The following CARHSP1 variants were observed in gnomAD, a reference collection of about 807,000 sequenced individuals.
The protein encoded by CARHSP1 is calcium regulated heat stable protein 1.
A neutral mutation model predicts 12.5 loss-of-function variants in CARHSP1; 14 were observed. That is an observed-to-expected ratio of 1.12 (90% CI 0.74 to 1.75). CARHSP1 has a LOEUF of 1.75. Among genes scored for constraint, CARHSP1 ranks in the 40% most tolerant of loss-of-function variants. The pLI is 0.00. For missense variants in CARHSP1, 343 were observed against 201.6 expected (o/e 1.70, Z -4.25); for synonymous variants, 161 against 82.0 (o/e 1.96, Z -5.20).
chr16:8,860,100 CTG>C, intron 1 of CARHSP1: 1 of 982,256 alleles, frequency 1.0e-6, no homozygotes, highest in Non-Finnish European at 1.2e-6. Flanking sequence ...GGGGCAAAAA[CTG>C]ACCCTCACGC....
At chr16:8,866,856 G>A (rs986847622) in intron 1 of CARHSP1, among the ~76,000 whole-genome samples, 2 of 152,144 alleles carry the variant, frequency 1.3e-5, no homozygotes, top group East Asian at 3.9e-4. Flanking sequence ...CAGGGAAGGT[G>A]CAGCCCGGCG....
intron 2 of CARHSP1, 37 bp from the exon 3 acceptor site, chr16:8,858,509 CGCTCCTGGGCACACAAAGCTCATTCCA>C (rs1293151522): frequency 4.4e-6 from 7 of 1,605,272 alleles, no homozygotes; most frequent in Non-Finnish European, 5.9e-6. Flanking sequence ...GCCCCATCAG[CGCTCCTGGGCACACAAAGCTCATTCCA>C]GCCCCTGCCC....
intron 3 of CARHSP1, among the ~76,000 whole-genome samples, chr16:8,856,477 C>A (rs1241317021): frequency 6.6e-6 from 1 of 151,866 alleles, no homozygotes; most frequent in Non-Finnish European, 1.5e-5. Flanking sequence ...TTCTTTGCCC[C>A]AACCTCTATG....
intron 1 of CARHSP1, among the ~76,000 whole-genome samples, chr16:8,860,706 C>T (rs571910397): frequency 1.3e-4 from 20 of 152,166 alleles, no homozygotes; most frequent in African/African-American, 4.8e-4. Context: ...GGAGGGACAG[C>T]AGCAGCCCTG....
chr16:8,867,436 C>G (rs541441165), intron 1 of CARHSP1: 1 of 152,388 alleles, frequency 6.6e-6, no homozygotes, highest in African/African-American at 2.4e-5. Flanking sequence ...CACAATAGTG[C>G]GGCTGATGGT....
rs1439359571 is a variant in CARHSP1, at chr16:8,863,509, G to A, written c.-7-4174C>T. On this transcript the variant is annotated intron_variant, in intron 1 of 3. Transcript: ENST00000311052. ...AGCACCATGCCCAGCCCAGCAGGAG[G>A]TGGCTACATTCCTGCTCACCTGATA... 2.6e-5 allele frequency among the ~76,000 whole-genome samples: 4 copies of A among 152,326 alleles called. No individual in the cohort carries two copies. The South Asian group carries it at 8.3e-4, about 32-fold the overall frequency.
intron 2 of CARHSP1, chr16:8,858,758 G>T (rs1480057962): frequency 2.2e-6 from 1 of 464,956 alleles, no homozygotes; most frequent in Non-Finnish European, 3.8e-6. Flanking sequence ...AGAAACTAAT[G>T]ATTTACTATT....
intron 1 of CARHSP1, 146 bp from the exon 2 acceptor site, chr16:8,859,481 G>A (rs1020295229): frequency 1.6e-5 from 12 of 734,244 alleles, no homozygotes; most frequent in East Asian, 5.7e-5. Context: ...CTGGGAGCAC[G>A]CCTGGCAGGG....
intron 1 of CARHSP1, chr16:8,860,619 G>T (rs1290743853): frequency 9.5e-6 from 5 of 529,072 alleles, no homozygotes; most frequent in Non-Finnish European, 1.2e-5. Context: ...CACCTGCGCA[G>T]GGCTGGTGAT....
At position 8,853,433 on chromosome 16, in the gene CARHSP1, A is replaced by T. The variant is rs919021461; in HGVS notation, c.*1731T>A. 1 of 146,372 alleles carries T rather than the reference A, an allele frequency of 6.8e-6. No individual in the cohort carries two copies. Among genetic ancestry groups the T allele is most frequent in the Non-Finnish European group, 1.5e-5 (1 of 66,278 alleles). The allele number at this position is 146,372 out of a possible 1,614,324, so 9.1% of individuals were successfully genotyped here. A position where few individuals can be genotyped will look rare whatever the true frequency, so the allele number is the denominator to read the frequency against. ...CGCAGGCGAGGAAACAATGGCCAGG[A>T]CCTAACTGTGGTGGGAACTGCCTTT... On this transcript the variant is annotated 3_prime_UTR_variant, in exon 4 of 4. Coordinates refer to ENST00000311052, the MANE Select transcript of CARHSP1 (RefSeq NM_014316.4).
intron 1 of CARHSP1, among the ~76,000 whole-genome samples, chr16:8,866,927 T>C (rs1360626526): frequency 6.6e-6 from 1 of 152,052 alleles, no homozygotes; most frequent in Non-Finnish European, 1.5e-5. Context: ...TCTTCCGCCC[T>C]CAGGAGCCCC....
chr16:8,866,036 C>G lies in CARHSP1; in HGVS notation c.-8+2930G>C, dbSNP rs143493356. Among the ~76,000 whole-genome samples, 201 of 152,286 alleles carry G rather than the reference C, an allele frequency of 1.3e-3. No individual in the cohort carries two copies. In the East Asian group the frequency reaches 0.031, roughly 24 times the overall value. ...TGGCACAATCATGGCTCACTGCAGCCTCAACCTCCTGGGCTCAAGGGATCC... is the reference window on the plus strand; with the variant it reads ...TGGCACAATCATGGCTCACTGCAGCGTCAACCTCCTGGGCTCAAGGGATCC... On this transcript the variant is annotated intron_variant, in intron 1 of 3. Transcript: ENST00000311052.
At chr16:8,861,158 A>ATTT (rs765114977) in intron 1 of CARHSP1, among the ~76,000 whole-genome samples, 3 of 51,268 alleles carry the variant, frequency 5.9e-5, no homozygotes, top group African/African-American at 2.6e-4. Context: ...TCCATGCCTA[A>ATTT]TTTTTTTTTT....
chr16:8,860,715 TG>T (rs2061327564), intron 1 of CARHSP1, among the ~76,000 whole-genome samples: 1 of 152,086 alleles, frequency 6.6e-6, no homozygotes, highest in Non-Finnish European at 1.5e-5. Flanking sequence ...GCAGCAGCCC[TG>T]GATCGGTTTG....
chr16:8,863,879 GC>G (rs2061411701), intron 1 of CARHSP1, among the ~76,000 whole-genome samples: 1 of 152,088 alleles, frequency 6.6e-6, no homozygotes, highest in Non-Finnish European at 1.5e-5. Flanking sequence ...CAGCAGCCCC[GC>G]CCACCAGCAC....
At chr16:8,861,790 C>T in intron 1 of CARHSP1, 1 of 1,257,794 alleles carries the variant, frequency 8.0e-7, no homozygotes, top group Non-Finnish European at 1.0e-6. Context: ...CCTACCAGCA[C>T]AGGTCATAGA....
intron 1 of CARHSP1, among the ~76,000 whole-genome samples, chr16:8,864,804 G>C (rs772211933): frequency 2.6e-5 from 4 of 152,166 alleles, no homozygotes; most frequent in Non-Finnish European, 5.9e-5. Flanking sequence ...AGGGGGCCTC[G>C]GCCGAAAATA....
chr16:8,862,886 T>C (rs1443473811), intron 1 of CARHSP1, among the ~76,000 whole-genome samples: 1 of 152,118 alleles, frequency 6.6e-6, no homozygotes, highest in Non-Finnish European at 1.5e-5. Flanking sequence ...CATTTTCCCC[T>C]GGGTGAATGG....
At chr16:8,864,220 C>T (rs1402210837) in intron 1 of CARHSP1, among the ~76,000 whole-genome samples, 2 of 152,178 alleles carry the variant, frequency 1.3e-5, no homozygotes, top group African/African-American at 4.8e-5. Context: ...CCACACATGG[C>T]TGTCTCTGCA....
Sources: allele counts gnomAD v4.1 joint callset (sites outside exome capture counted in the v4.1 genomes callset), GRCh38; gene constraint gnomAD v4.1.1; transcripts MANE v1.5; gene names NCBI Gene and HGNC (gene_info 2026-07-23, HGNC 2026-07-21).